SDK1: variants seen among roughly 807,000 people sequenced by gnomAD.
SDK1 encodes the protein sidekick cell adhesion molecule 1, also known as protein sidekick-1.
SDK1 carries 157 observed loss-of-function variants against 245.5 expected under a neutral mutation model. That is an observed-to-expected ratio of 0.64 (90% CI 0.56 to 0.73). SDK1 has a LOEUF of 0.73. SDK1 is among the 30% of genes least tolerant of loss of function. SDK1 has a pLI of 0.00. For missense variants in SDK1, 3,583 were observed against 3,002.3 expected (o/e 1.19, Z -4.52); for synonymous variants, 1,647 against 1,278.5 (o/e 1.29, Z -6.15).
chr7:3,574,573 C>G (rs1320478499), intron 1 of SDK1, among the ~76,000 whole-genome samples: 3 of 152,076 alleles, frequency 2.0e-5, no homozygotes, highest in Non-Finnish European at 2.9e-5. Flanking sequence ...ATGCCCTTGG[C>G]TCTGGTCAGT....
rs191915268 is a variant in SDK1 at position 3,589,158 on chromosome 7, G to A, written c.299-29922G>A. ...TCACAGTTAATGTGGGCCTTTTGAC[G>A]TCAGTACTGATCTCACAGTTGGCGT... On this transcript the variant is annotated intron_variant, in intron 1 of 44. Transcript: ENST00000404826. 2.5e-3 allele frequency among the ~76,000 whole-genome samples: 376 copies of A among 152,264 alleles called. 3 individuals are homozygous for A. The highest frequency in any genetic ancestry group is 0.018 in the South Asian group (85 of 4,818).
intron 5 of SDK1, among the ~76,000 whole-genome samples, chr7:3,892,084 G>A (rs746939983): frequency 6.6e-6 from 1 of 151,838 alleles, no homozygotes; most frequent in Non-Finnish European, 1.5e-5. Flanking sequence ...TGCATATCTT[G>A]GGTTGCCATT....
intron 1 of SDK1, among the ~76,000 whole-genome samples, chr7:3,400,351 G>A (rs563029554): frequency 1.3e-4 from 20 of 152,228 alleles, no homozygotes; most frequent in African/African-American, 4.6e-4. Context: ...AATTGTGGCA[G>A]CATTTTCATT....
intron 5 of SDK1, among the ~76,000 whole-genome samples, chr7:3,860,302 G>A (rs1309734257): frequency 6.6e-6 from 1 of 152,056 alleles, no homozygotes; most frequent in East Asian, 1.9e-4. Flanking sequence ...AATCTACAAA[G>A]TCTTTTTAGA....
intron 30 of SDK1, among the ~76,000 whole-genome samples, chr7:4,155,086 G>A (rs1473458286): frequency 6.6e-6 from 1 of 151,936 alleles, no homozygotes; most frequent in Non-Finnish European, 1.5e-5. Flanking sequence ...CTCTAGTACT[G>A]CAGAGCCAGG....
intron 1 of SDK1, among the ~76,000 whole-genome samples, chr7:3,553,728 C>T (rs1017275058): frequency 4.6e-5 from 7 of 152,178 alleles, no homozygotes; most frequent in African/African-American, 1.7e-4. Flanking sequence ...AATGGTCCAG[C>T]TGAGTAGCTT....
intron 4 of SDK1, among the ~76,000 whole-genome samples, chr7:3,660,549 G>A (rs1275709059): frequency 6.6e-6 from 1 of 152,168 alleles, no homozygotes; most frequent in Non-Finnish European, 1.5e-5. Flanking sequence ...AGTAAAACCT[G>A]CCCATAATGG....
intron 5 of SDK1, among the ~76,000 whole-genome samples, chr7:3,883,184 A>C (rs555094805): frequency 2.6e-5 from 4 of 152,334 alleles, no homozygotes; most frequent in East Asian, 3.9e-4. Context: ...GCAGGACCCC[A>C]CACACACAGG....
At chr7:3,958,135 G>A (rs1253540484) in intron 7 of SDK1, 8 of 374,802 alleles carry the variant, frequency 2.1e-5, no homozygotes, top group Non-Finnish European at 4.2e-5. Flanking sequence ...AACCAGCTCT[G>A]GAAGACAGTT....
intron 1 of SDK1, among the ~76,000 whole-genome samples, chr7:3,386,096 A>G (rs990196277): frequency 7.2e-5 from 11 of 152,202 alleles, no homozygotes; most frequent in African/African-American, 1.9e-4. Context: ...GTAGGTAGAC[A>G]TAGGAATTCA....
intron 13 of SDK1, among the ~76,000 whole-genome samples, chr7:3,986,410 A>G (rs1296858164): frequency 1.3e-5 from 2 of 152,214 alleles, no homozygotes; most frequent in South Asian, 2.1e-4. Context: ...TGTGTGGTCT[A>G]AGAATACATG....
chr7:3,488,768 C>A (rs555730629), intron 1 of SDK1, among the ~76,000 whole-genome samples: 1 of 152,178 alleles, frequency 6.6e-6, no homozygotes, highest in African/African-American at 2.4e-5. Flanking sequence ...AACCTACATT[C>A]AATTCTTCCC....
chr7:3,659,622 G>A (rs1029089195), intron 4 of SDK1, among the ~76,000 whole-genome samples: 7 of 152,184 alleles, frequency 4.6e-5, no homozygotes, highest in African/African-American at 1.7e-4. Flanking sequence ...CTGTGGAAAC[G>A]AGTGAATTTT....
chr7:3,712,822 G>A (rs1785088515), intron 4 of SDK1, among the ~76,000 whole-genome samples: 2 of 152,204 alleles, frequency 1.3e-5, no homozygotes, highest in Admixed American at 1.3e-4. Context: ...TCTAAATGTG[G>A]CTAAATAAAC....
intron 28 of SDK1, among the ~76,000 whole-genome samples, chr7:4,139,591 GTA>G (rs1236625642): frequency 2.9e-5 from 2 of 70,016 alleles, no homozygotes; most frequent in African/African-American, 4.9e-5. Flanking sequence ...GTATGTGTGT[GTA>G]TATGTATATA....
At chr7:3,645,689 G>T (rs1283830757) in intron 4 of SDK1, among the ~76,000 whole-genome samples, 2 of 152,248 alleles carry the variant, frequency 1.3e-5, no homozygotes, top group East Asian at 3.9e-4. Context: ...GTTTTTGACT[G>T]AAGATGGGAG....
intron 1 of SDK1, among the ~76,000 whole-genome samples, chr7:3,474,918 C>A (rs1356958135): frequency 6.6e-6 from 1 of 152,144 alleles, no homozygotes; most frequent in African/African-American, 2.4e-5. Flanking sequence ...TATTGAACTC[C>A]TGGGCTCAAG....
intron 1 of SDK1, among the ~76,000 whole-genome samples, chr7:3,360,376 A>G (rs766497646): frequency 6.6e-6 from 1 of 152,192 alleles, no homozygotes; most frequent in Admixed American, 6.5e-5. Context: ...AAGAATGGGT[A>G]TTTTAAAGCA....
intron 5 of SDK1, among the ~76,000 whole-genome samples, chr7:3,879,708 C>G (rs1218390035): frequency 2.0e-5 from 3 of 152,160 alleles, no homozygotes; most frequent in African/African-American, 7.2e-5. Context: ...TACCATTTTT[C>G]TTCTTTTCTT....
Sources: allele counts gnomAD v4.1 joint callset (sites outside exome capture counted in the v4.1 genomes callset), GRCh38; gene constraint gnomAD v4.1.1; transcripts MANE v1.5; gene names NCBI Gene and HGNC (gene_info 2026-07-23, HGNC 2026-07-21).